TMEM232: variants seen among roughly 807,000 people sequenced by gnomAD.
TMEM232 encodes transmembrane protein 232.
In TMEM232, 80 loss-of-function variants were observed where a neutral mutation model predicts 78.8. The observed-to-expected ratio is 1.01, with a 90% confidence interval of 0.85 to 1.22. The LOEUF (loss-of-function observed/expected upper bound fraction) is 1.22. Among genes scored for constraint, TMEM232 ranks in the 50% most tolerant of loss-of-function variants. TMEM232 has a pLI of 0.00. For missense variants in TMEM232, 881 were observed against 742.2 expected (o/e 1.19, Z -2.17); for synonymous variants, 297 against 254.3 (o/e 1.17, Z -1.60).
intron 12 of TMEM232, among the ~76,000 whole-genome samples, chr5:110,461,829 A>C (rs1761562860): frequency 6.6e-6 from 1 of 152,130 alleles, no homozygotes; most frequent in African/African-American, 2.4e-5. Flanking sequence ...ATGACAGCAC[A>C]TGTTTTTACA....
intron 2 of TMEM232, among the ~76,000 whole-genome samples, chr5:110,412,564 ACT>A (rs1491140790): frequency 7.7e-6 from 1 of 129,880 alleles, no homozygotes; most frequent in Non-Finnish European, 1.6e-5. Flanking sequence ...AAATAGCCAA[ACT>A]CTTTTTTTTT....
intron 12 of TMEM232, among the ~76,000 whole-genome samples, chr5:110,474,353 T>TA (rs904137950): frequency 1.3e-5 from 2 of 151,940 alleles, no homozygotes; most frequent in Non-Finnish European, 2.9e-5. Context: ...AAAGATTTTT[T>TA]AAAACCTACA....
chr5:110,434,084 G>A (rs1758148506), intron 12 of TMEM232, among the ~76,000 whole-genome samples: 1 of 149,782 alleles, frequency 6.7e-6, no homozygotes, highest in South Asian at 2.1e-4. Flanking sequence ...TAAAATAAAT[G>A]AAAGCACAAG....
chr5:110,688,382 G>T (rs1793688771), intron 1 of TMEM232, among the ~76,000 whole-genome samples: 1 of 152,152 alleles, frequency 6.6e-6, no homozygotes, highest in Admixed American at 6.5e-5. Flanking sequence ...TGTCATATGG[G>T]GAGAAACAAA....
rs139181300 is a variant in TMEM232, at chr5:110,421,673, C to A, written c.1798-917G>T. On this transcript the variant is annotated intron_variant, in intron 13 of 13. Transcript: ENST00000455884. ...TTAATTTGTAGATTACTATATATAC[C>A]AGTACTGTGAATCACAAATAACATT... 4.6e-5 allele frequency among the ~76,000 whole-genome samples: 7 copies of A among 152,040 alleles called. 1 individual carries two copies. Among genetic ancestry groups the A allele is most frequent in the Admixed American group, 1.3e-4 (2 of 15,256 alleles).
At chr5:110,453,827 CAAAA>C (rs556583793) in intron 12 of TMEM232, among the ~76,000 whole-genome samples, 1 of 117,056 alleles carries the variant, frequency 8.5e-6, no homozygotes. Flanking sequence ...ATTCCAGGAG[CAAAA>C]AAAAAAAAAG....
intron 12 of TMEM232, among the ~76,000 whole-genome samples, chr5:110,466,774 G>A (rs544895511): frequency 1.3e-5 from 2 of 151,818 alleles, no homozygotes; most frequent in South Asian, 2.1e-4. Context: ...CACCACGCCC[G>A]GCTAATTTTT....
intron 2 of TMEM232, chr5:110,666,993 T>G: frequency 2.9e-6 from 1 of 344,412 alleles, no homozygotes; most frequent in Non-Finnish European, 5.2e-6. Flanking sequence ...ATCTATGCAT[T>G]ATTATGACAA....
chr5:110,449,126 TCTATTTTCAGACAAAG>T (rs1759986156), intron 12 of TMEM232, among the ~76,000 whole-genome samples: 1 of 152,072 alleles, frequency 6.6e-6, no homozygotes, highest in Non-Finnish European at 1.5e-5. Flanking sequence ...GAGTTGCAAT[TCTATTTTCAGACAAAG>T]TGGAATTTAA....
At chr5:110,465,810 T>G (rs1016807293) in intron 12 of TMEM232, among the ~76,000 whole-genome samples, 5 of 152,150 alleles carry the variant, frequency 3.3e-5, no homozygotes, top group Non-Finnish European at 7.4e-5. Context: ...TACTCACCAC[T>G]CCCAATTGGT....
chr5:110,422,573 A>G (rs1331377043), intron 13 of TMEM232, among the ~76,000 whole-genome samples: 5 of 151,316 alleles, frequency 3.3e-5, no homozygotes, highest in African/African-American at 1.2e-4. Flanking sequence ...AAGAGAATTA[A>G]TTCTTAAGAA....
At chr5:110,396,671 T>A (rs1016142715) in intron 3 of TMEM232, among the ~76,000 whole-genome samples, 21 of 152,194 alleles carry the variant, frequency 1.4e-4, no homozygotes, top group African/African-American at 5.1e-4. Flanking sequence ...AGCCATATCA[T>A]CTGACTGATT....
intron 4 of TMEM232, among the ~76,000 whole-genome samples, chr5:110,639,943 A>G (rs1330078619): frequency 2.0e-5 from 3 of 152,162 alleles, no homozygotes; most frequent in African/African-American, 7.2e-5. Context: ...GTGCGGCCCA[A>G]TTCCTAACAG....
chr5:110,640,459 G>A (rs2150012948), intron 4 of TMEM232, among the ~76,000 whole-genome samples: 1 of 152,130 alleles, frequency 6.6e-6, no homozygotes, highest in East Asian at 1.9e-4. Flanking sequence ...TAAATGAGGA[G>A]TGATAAATGA....
chr5:110,566,037 C>T (rs1205154700), intron 11 of TMEM232, among the ~76,000 whole-genome samples: 6 of 151,482 alleles, frequency 4.0e-5, no homozygotes, highest in Non-Finnish European at 1.5e-5. Context: ...TTCCCTTTAC[C>T]CTTCCAGATT....
rs1198806983 is a variant in TMEM232 at position 110,498,383 on chromosome 5, C to T, written c.1703+30205G>A. 2.6e-5 allele frequency among the ~76,000 whole-genome samples: 4 copies of T among 152,170 alleles called. No individual in the cohort carries two copies. In the East Asian group the frequency reaches 7.7e-4, roughly 29 times the overall value. On this transcript the variant is annotated intron_variant, in intron 12 of 13. Coordinates refer to ENST00000455884, the MANE Select transcript of TMEM232 (RefSeq NM_001039763.4). ...ATTTAGACTACATGACTTGCTAAGC[C>T]CTATCTGGATCAGAATCTTCCTCAG...
chr5:110,640,877 T>G lies in TMEM232; in HGVS notation c.343+14A>C. The G allele has an allele frequency of 6.7e-7, 1 of 1,482,100 alleles. No individual in the cohort carries two copies. The highest frequency in any genetic ancestry group is 2.6e-5 in the East Asian group (1 of 38,742). The allele number at this position is 1,482,100 out of a possible 1,614,324, so 91.8% of individuals were successfully genotyped here. ...AAATACTTAGGATGCCTAATAAGAA[T>G]TTAAAGTACGTACCATCTTGGATTT... On this transcript the variant is annotated intron_variant, in intron 4 of 13. Coordinates refer to ENST00000455884, the MANE Select transcript of TMEM232 (RefSeq NM_001039763.4).
intron 10 of TMEM232, among the ~76,000 whole-genome samples, chr5:110,585,237 G>T (rs1483006887): frequency 1.3e-5 from 2 of 152,082 alleles, no homozygotes; most frequent in Non-Finnish European, 2.9e-5. Context: ...AAACAGAATG[G>T]GAGATAATAG....
intron 10 of TMEM232, among the ~76,000 whole-genome samples, chr5:110,573,199 T>A (rs1311853248): frequency 6.6e-6 from 1 of 152,070 alleles, no homozygotes; most frequent in Non-Finnish European, 1.5e-5. Context: ...TTTGAACCCT[T>A]TGATAGACTT....
Sources: gnomAD v4.1 joint callset for allele counts (sites outside exome capture counted in the v4.1 genomes callset) on GRCh38, gnomAD v4.1.1 for gene constraint, MANE v1.5 for transcripts, NCBI Gene and HGNC (gene_info 2026-07-23, HGNC 2026-07-21) for gene names.